Variants in RAP1GAP2 observed in about 807,000 individuals in gnomAD.
The protein encoded by RAP1GAP2 is rap1 GTPase-activating protein 2.
RAP1GAP2 carries 27 observed loss-of-function variants against 95.0 expected under a neutral mutation model. That is an observed-to-expected ratio of 0.28 (90% confidence interval 0.21 to 0.39). The LOEUF is 0.39. Among genes scored for constraint, RAP1GAP2 ranks in the 10% least tolerant of loss-of-function variants. The pLI, the probability that RAP1GAP2 is intolerant of heterozygous loss-of-function variation, is 1.00. For synonymous variants in RAP1GAP2, 373 were observed against 380.9 expected (o/e 0.98, Z 0.24); for missense variants, 771 against 970.0 (o/e 0.79, Z 2.72).
intron 3 of RAP1GAP2, among the ~76,000 whole-genome samples, chr17:2,955,563 C>T (rs1253049992): frequency 6.6e-6 from 1 of 152,158 alleles, no homozygotes; most frequent in South Asian, 2.1e-4. Flanking sequence ...TAGCATTCTG[C>T]GGGCTTTCTT....
At chr17:2,805,653 G>A (rs1014971294) in intron 2 of RAP1GAP2, among the ~76,000 whole-genome samples, 3 of 152,114 alleles carry the variant, frequency 2.0e-5, no homozygotes, top group Non-Finnish European at 2.9e-5. Flanking sequence ...GATTACAGGC[G>A]TGAGCCACTG....
intron 2 of RAP1GAP2, among the ~76,000 whole-genome samples, chr17:2,868,415 C>T (rs141127094): frequency 2.0e-5 from 3 of 152,138 alleles, no homozygotes. Context: ...GTCGAAACTG[C>T]GGCCCTTGGC....
intron 8 of RAP1GAP2, among the ~76,000 whole-genome samples, chr17:2,967,449 C>G (rs145159256): frequency 3.7e-4 from 56 of 152,290 alleles, no homozygotes; most frequent in African/African-American, 1.3e-3. Flanking sequence ...AGTTGGAGAT[C>G]TAGAAGAATC....
intron 2 of RAP1GAP2, among the ~76,000 whole-genome samples, chr17:2,820,305 G>A (rs374057596): frequency 5.9e-5 from 9 of 152,196 alleles, no homozygotes; most frequent in African/African-American, 2.2e-4. Context: ...CAGCTCTACT[G>A]GATGCTGCCA....
rs879226258 is a variant in RAP1GAP2, at chr17:3,037,377, C to CCCCCCCCCCCCCG, written c.*4016_*4017insCCCCCCCCCCCCG. On this transcript the variant is annotated 3_prime_UTR_variant, in exon 25 of 25. Transcript: ENST00000254695. ...GAAGTGTGAACTACCCCCCCCCCCC[C>CCCCCCCCCCCCCG]GCTTCCTGCTCCTTAGCATGCGTGC... is the stretch of plus-strand genomic sequence containing the variant. 4 of 54,998 alleles carry CCCCCCCCCCCCCG rather than the reference C, an allele frequency of 7.3e-5. No homozygotes were observed. The highest frequency in any genetic ancestry group is 2.5e-4 in the Admixed American group (1 of 4,038). The allele number at this position is 54,998 out of a possible 1,614,324, so 3.4% of individuals were successfully genotyped here.
rs1021751380 is a variant in RAP1GAP2 at position 2,903,525 on chromosome 17, A to G, written c.81-1759A>G. On this transcript the variant is annotated intron_variant, in intron 2 of 24. Coordinates refer to ENST00000254695, the MANE Select transcript of RAP1GAP2 (RefSeq NM_015085.5). The surrounding 1 kb of genome is among the most constrained non-coding windows in gnomAD (Gnocchi z 4.1). ...GAGTGTGTGCACACACCTAGGAGCT[A>G]TCTCAGCCCTGCTGGTTTCTTGAGC... Among the ~76,000 whole-genome samples the G allele has an allele frequency of 6.6e-6, 1 of 152,178 alleles. No homozygotes were observed. The highest frequency in any genetic ancestry group is 2.4e-5 in the African/African-American group (1 of 41,454).
At chr17:2,881,151 C>T (rs1434154556) in intron 2 of RAP1GAP2, among the ~76,000 whole-genome samples, 5 of 151,876 alleles carry the variant, frequency 3.3e-5, no homozygotes, top group African/African-American at 1.2e-4. Flanking sequence ...ATCCCAGCTA[C>T]TCGGGAGGCT....
At chr17:2,889,889 A>ATATATATATATATTTTT (rs1408426152) in intron 2 of RAP1GAP2, among the ~76,000 whole-genome samples, 4 of 57,316 alleles carry the variant, frequency 7.0e-5, no homozygotes, top group African/African-American at 2.2e-4. Flanking sequence ...ATATATATAT[A>ATATATATATATATTTTT]TTTTTTTTTT....
At chr17:2,758,791 C>A (rs764099669) in intron 1 of RAP1GAP2, among the ~76,000 whole-genome samples, 2 of 152,174 alleles carry the variant, frequency 1.3e-5, no homozygotes, top group Non-Finnish European at 2.9e-5. Context: ...TTTATAGACT[C>A]ACTGAACTGA....
chr17:3,008,617 G>C lies in RAP1GAP2; in HGVS notation c.1494+472G>C, dbSNP rs938735519. On this transcript the variant is annotated intron_variant, in intron 17 of 24. Coordinates refer to ENST00000254695, the MANE Select transcript of RAP1GAP2 (RefSeq NM_015085.5). The surrounding 1 kb of genome is among the most constrained non-coding windows in gnomAD (Gnocchi z 4.2). Reference sequence around the variant, plus strand: ...AGCATTGGAAGACCTGGCTGGGCAGGGGCCATGGAACTATAGGCAAGTCCC... The same window carrying C: ...AGCATTGGAAGACCTGGCTGGGCAGCGGCCATGGAACTATAGGCAAGTCCC... 6.6e-6 allele frequency among the ~76,000 whole-genome samples: 1 copy of C among 152,204 alleles called. No homozygotes were observed. Among genetic ancestry groups the C allele is most frequent in the Non-Finnish European group, 1.5e-5 (1 of 68,034 alleles).
At chr17:2,886,068 C>T (rs1567742630) in intron 2 of RAP1GAP2, among the ~76,000 whole-genome samples, 1 of 151,976 alleles carries the variant, frequency 6.6e-6, no homozygotes, top group African/African-American at 2.4e-5. Flanking sequence ...AGGGCCTTCC[C>T]CACACCCCGT....
In RAP1GAP2 at chr17:2,827,289, G is replaced by A. The variant is rs929450128; in HGVS notation, c.80+26739G>A. On this transcript the variant is annotated intron_variant, in intron 2 of 24. Coordinates refer to ENST00000254695, the MANE Select transcript of RAP1GAP2 (RefSeq NM_015085.5). This position sits in a 1 kb window ranked among gnomAD's most constrained non-coding sequence, Gnocchi z 4.1. ...ATCCAACAGCTCTCATTCCCAAAGC[G>A]TGTTCTGAGTGTGAGTCCTACAAAA... is the stretch of plus-strand genomic sequence containing the variant. 4.6e-5 allele frequency among the ~76,000 whole-genome samples: 7 copies of A among 152,188 alleles called. No homozygotes were observed. Among genetic ancestry groups the A allele is most frequent in the African/African-American group, 9.7e-5 (4 of 41,440 alleles).
intron 2 of RAP1GAP2, among the ~76,000 whole-genome samples, chr17:2,832,489 T>C (rs7215421): frequency 0.38 from 51,686 of 136,616 alleles, 9,181 homozygotes; most frequent in Middle Eastern, 0.44. Context: ...ACCCAGGAGG[T>C]GGAGGTTGCA....
At chr17:2,768,466 C>T (rs570160904) in intron 1 of RAP1GAP2, among the ~76,000 whole-genome samples, 17 of 152,006 alleles carry the variant, frequency 1.1e-4, no homozygotes, top group East Asian at 3.9e-4. Context: ...CCAAGGTGGG[C>T]GGATCACCTG....
rs531092699 is a variant in RAP1GAP2 at position 3,037,324 on chromosome 17, G to A, written c.*3963G>A. ...GGAAGACTGGAATTTAATTGCCATC[G>A]TCTTTGATTTTGTGACATTTCTGCT... On this transcript the variant is annotated 3_prime_UTR_variant, in exon 25 of 25. Transcript: ENST00000254695. 2.3e-5 allele frequency: 3 copies of A among 128,470 alleles called. No individual in the cohort carries two copies. Among genetic ancestry groups the A allele is most frequent in the East Asian group, 2.5e-4 (1 of 4,058 alleles). 8.0% of individuals were successfully genotyped at this position (128,470 alleles called of 1,614,324 possible).
chr17:2,988,742 G>A (rs984868102), intron 11 of RAP1GAP2, among the ~76,000 whole-genome samples: 8 of 152,206 alleles, frequency 5.3e-5, no homozygotes, highest in African/African-American at 1.4e-4. Context: ...CTGCTGAGTT[G>A]TATGGTAATT....
chr17:2,926,287 C>G (rs1219534233), intron 3 of RAP1GAP2, among the ~76,000 whole-genome samples: 2 of 152,322 alleles, frequency 1.3e-5, no homozygotes, highest in Non-Finnish European at 2.9e-5. Flanking sequence ...CCTCCACGGG[C>G]AGCGCCCACG....
chr17:2,800,486 G>T, intron 1 of RAP1GAP2, 29 bp from the exon 2 acceptor site: 1 of 1,608,672 alleles, frequency 6.2e-7, no homozygotes, highest in South Asian at 1.1e-5. Context: ...CCTCAGCACT[G>T]ACCGGAGCCC....
At position 3,008,519 on chromosome 17, in the gene RAP1GAP2, C is replaced by T. The variant is rs528334051; in HGVS notation, c.1494+374C>T. 2.6e-5 allele frequency among the ~76,000 whole-genome samples: 4 copies of T among 152,202 alleles called. No homozygotes were observed. The highest frequency in any genetic ancestry group is 6.5e-5 in the Admixed American group (1 of 15,282). On this transcript the variant is annotated intron_variant, in intron 17 of 24. Coordinates refer to ENST00000254695, the MANE Select transcript of RAP1GAP2 (RefSeq NM_015085.5). The surrounding 1 kb of genome is among the most constrained non-coding windows in gnomAD (Gnocchi z 4.2). Reference sequence around the variant, plus strand: ...GGAGCCCAGGGCAGAATGGCAGGAGCGAGGACCACAGCCCTTACGGGTCTT... The same window carrying T: ...GGAGCCCAGGGCAGAATGGCAGGAGTGAGGACCACAGCCCTTACGGGTCTT...
Sources: gnomAD v4.1 joint callset for allele counts (sites outside exome capture counted in the v4.1 genomes callset) on GRCh38, gnomAD v4.1.1 for gene constraint, Gnocchi (gnomAD v3.1) non-coding constraint, MANE v1.5 for transcripts, NCBI Gene and HGNC (gene_info 2026-07-23, HGNC 2026-07-21) for gene names.